LPP: variants seen among roughly 807,000 people sequenced by gnomAD.
LPP encodes LIM domain containing preferred translocation partner in lipoma.
A neutral mutation model predicts 60.4 loss-of-function variants in LPP; 38 were observed. The ratio of observed to expected loss-of-function variants is 0.63; its 90% CI spans 0.49 to 0.83. The LOEUF (loss-of-function observed/expected upper bound fraction) is 0.83. Among genes scored for constraint, LPP ranks in the 40% least tolerant of loss-of-function variants. The pLI, the probability that LPP is intolerant of heterozygous loss-of-function variation, is 0.00. For synonymous variants in LPP, 328 were observed against 290.8 expected (o/e 1.13, Z -1.30); for missense variants, 902 against 783.6 (o/e 1.15, Z -1.80).
At chr3:188,588,282 C>T (rs367899147) in intron 6 of LPP, among the ~76,000 whole-genome samples, 12 of 152,132 alleles carry the variant, frequency 7.9e-5, no homozygotes, top group African/African-American at 1.4e-4. Context: ...AATGAAAAAA[C>T]GGTCCCCTCT....
chr3:188,530,441 C>T (rs1821863734), intron 6 of LPP, among the ~76,000 whole-genome samples: 2 of 152,256 alleles, frequency 1.3e-5, no homozygotes, highest in Non-Finnish European at 2.9e-5. Context: ...AGAGGTGATC[C>T]TGGAGTGAAT....
intron 2 of LPP, among the ~76,000 whole-genome samples, chr3:188,242,239 T>C (rs1725200653): frequency 6.6e-6 from 1 of 152,322 alleles, no homozygotes; most frequent in Admixed American, 6.5e-5. Flanking sequence ...ACTTGATTTC[T>C]ACTGGGTTTG....
rs1446512794 is a variant in LPP, at chr3:188,609,875, T to C, written c.1113+31T>C. The C allele has an allele frequency of 2.5e-6, 4 of 1,569,796 alleles. No individual in the cohort carries two copies. The highest frequency in any genetic ancestry group is 1.4e-5 in the African/African-American group (1 of 73,376). ...AAACTCAGTAACATAAGGAGGAGAATACAGGGGTGCCTATCTTAGTCTGCC... is the reference window on the plus strand; with the variant it reads ...AAACTCAGTAACATAAGGAGGAGAACACAGGGGTGCCTATCTTAGTCTGCC... On this transcript the variant is annotated intron_variant, in intron 7 of 11. Coordinates refer to ENST00000617246, the MANE Select transcript of LPP (RefSeq NM_001375462.1). This position sits in a 1 kb window ranked among gnomAD's most constrained non-coding sequence, Gnocchi z 6.9.
chr3:188,166,731 A>G (rs770139232), intron 1 of LPP, among the ~76,000 whole-genome samples: 2 of 151,480 alleles, frequency 1.3e-5, no homozygotes, highest in Non-Finnish European at 3.0e-5. Context: ...GTCCGGCTCT[A>G]GCTTTTGTTC....
At chr3:188,722,503 G>A (rs1190560968) in intron 8 of LPP, among the ~76,000 whole-genome samples, 1 of 152,162 alleles carries the variant, frequency 6.6e-6, no homozygotes, top group African/African-American at 2.4e-5. Flanking sequence ...TCTTTTCTGT[G>A]TGACGTTAGT....
At chr3:188,829,578 A>T (rs1041292703) in intron 9 of LPP, among the ~76,000 whole-genome samples, 1 of 152,224 alleles carries the variant, frequency 6.6e-6, no homozygotes, top group African/African-American at 2.4e-5. Context: ...CAAACTTCAG[A>T]TATTACCAGT....
chr3:188,295,640 C>G (rs1260733385), intron 2 of LPP, among the ~76,000 whole-genome samples: 2 of 152,110 alleles, frequency 1.3e-5, no homozygotes, highest in African/African-American at 4.8e-5. Context: ...TGGGCTCAAG[C>G]AATCCTCCCG....
chr3:188,181,871 C>T (rs571503856), intron 1 of LPP, among the ~76,000 whole-genome samples: 5 of 152,112 alleles, frequency 3.3e-5, no homozygotes, highest in South Asian at 2.1e-4. Context: ...TACAGGTGCA[C>T]GCCACTGCAC....
At chr3:188,309,459 C>G (rs1752693516) in intron 2 of LPP, among the ~76,000 whole-genome samples, 1 of 152,136 alleles carries the variant, frequency 6.6e-6, no homozygotes, top group African/African-American at 2.4e-5. Context: ...AGTAATTGTT[C>G]TTCTCTGGTT....
intron 10 of LPP, among the ~76,000 whole-genome samples, chr3:188,871,866 G>A (rs1256974255): frequency 6.6e-6 from 1 of 152,052 alleles, no homozygotes; most frequent in Non-Finnish European, 1.5e-5. Flanking sequence ...AAATTAATAA[G>A]TATTAAAAGT....
chr3:188,433,863 A>T (rs1791633840), intron 4 of LPP, among the ~76,000 whole-genome samples: 1 of 152,112 alleles, frequency 6.6e-6, no homozygotes, highest in Non-Finnish European at 1.5e-5. Flanking sequence ...ATCTTTTTTT[A>T]AAATTTTTAT....
At chr3:188,541,665 G>A (rs1310399098) in intron 6 of LPP, among the ~76,000 whole-genome samples, 2 of 152,106 alleles carry the variant, frequency 1.3e-5, no homozygotes, top group Admixed American at 1.3e-4. Context: ...GGGAAGCTGG[G>A]AAGGGCGGAT....
At position 188,352,460 on chromosome 3, in the gene LPP, T is replaced by C. The variant is rs1034357950; in HGVS notation, c.-10+10741T>C. Among the ~76,000 whole-genome samples the C allele has an allele frequency of 1.3e-5, 2 of 152,170 alleles. No individual in the cohort carries two copies. The highest frequency in any genetic ancestry group is 2.9e-5 in the Non-Finnish European group (2 of 68,022). The stretch of plus-strand genomic sequence containing the variant: ...TTGATGTGGTCACGTCAGTGCCTCT[T>C]CGGGAGCTGTGTGACTGGCGAGCCC... On this transcript the variant is annotated intron_variant, in intron 3 of 11. Coordinates refer to ENST00000617246, the MANE Select transcript of LPP (RefSeq NM_001375462.1). The surrounding 1 kb of genome is among the most constrained non-coding windows in gnomAD (Gnocchi z 4.4).
chr3:188,553,754 T>A (rs772766730), intron 6 of LPP: 1 of 152,160 alleles, frequency 6.6e-6, no homozygotes, highest in Non-Finnish European at 1.5e-5. Context: ...TACACTGTTG[T>A]GTTGCAGAGG....
intron 1 of LPP, among the ~76,000 whole-genome samples, chr3:188,189,665 T>TA (rs202212476): frequency 1.8e-4 from 26 of 147,554 alleles, no homozygotes; most frequent in Middle Eastern, 3.4e-3. Context: ...TTGAAAAGAA[T>TA]AAAAAAAAAA....
chr3:188,822,470 G>T (rs924667018), intron 9 of LPP, among the ~76,000 whole-genome samples: 2 of 152,014 alleles, frequency 1.3e-5, no homozygotes, highest in Non-Finnish European at 2.9e-5. Flanking sequence ...TATATTTATG[G>T]GATACCTGGA....
intron 2 of LPP, among the ~76,000 whole-genome samples, chr3:188,314,308 A>T (rs943077065): frequency 1.3e-5 from 2 of 151,992 alleles, no homozygotes; most frequent in African/African-American, 2.4e-5. Context: ...TTGTTGTTTT[A>T]ATTGAGACTG....
At chr3:188,530,161 AACTT>A (rs61092009) in intron 6 of LPP, among the ~76,000 whole-genome samples, 65,131 of 151,494 alleles carry the variant, frequency 0.43, 15,026 homozygotes, top group East Asian at 0.92. Flanking sequence ...GAAAAACTCA[AACTT>A]ACTTAGCAGT....
chr3:188,283,885 G>A (rs1353466899), intron 2 of LPP, among the ~76,000 whole-genome samples: 2 of 152,056 alleles, frequency 1.3e-5, no homozygotes, highest in Non-Finnish European at 2.9e-5. Context: ...GCTGAGGCAG[G>A]AGAATCGCTT....
Sources: allele counts gnomAD v4.1 joint callset (sites outside exome capture counted in the v4.1 genomes callset), GRCh38; gene constraint gnomAD v4.1.1; non-coding constraint Gnocchi (gnomAD v3.1); transcripts MANE v1.5; gene names NCBI Gene and HGNC (gene_info 2026-07-23, HGNC 2026-07-21).